ADARB1: variants seen among roughly 807,000 people sequenced by gnomAD.
The protein encoded by ADARB1 is adenosine deaminase RNA specific B1.
In ADARB1, 10 loss-of-function variants were observed where a neutral mutation model predicts 52.4. The ratio of observed to expected loss-of-function variants is 0.19; its 90% CI spans 0.12 to 0.32. The LOEUF (loss-of-function observed/expected upper bound fraction) is 0.32, where lower values mean the gene tolerates loss of function less well. Among genes scored for constraint, ADARB1 ranks in the 10% least tolerant of loss-of-function variants. The pLI is 1.00. For missense variants in ADARB1, 643 were observed against 922.3 expected (o/e 0.70, Z 3.92); for synonymous variants, 349 against 371.1 (o/e 0.94, Z 0.68).
In ADARB1 at chr21:45,142,261, C is replaced by T. The variant is rs2089771012; in HGVS notation, c.-48+13688C>T. On this transcript the variant is annotated intron_variant, in intron 2 of 10. Transcript: ENST00000348831. This position sits in a 1 kb window ranked among gnomAD's most constrained non-coding sequence, Gnocchi z 4.0. ...TTTTGTTTTTCAAATCGAACACCCG[C>T]TATACTCATTTGAGAAGTGTAGACT... 6.6e-6 allele frequency among the ~76,000 whole-genome samples: 1 copy of T among 152,204 alleles called. No homozygotes were observed. Among genetic ancestry groups the T allele is most frequent in the African/African-American group, 2.4e-5 (1 of 41,452 alleles).
At chr21:45,195,640 G>T in intron 8 of ADARB1, among the ~76,000 whole-genome samples, 1 of 149,498 alleles carries the variant, frequency 6.7e-6, no homozygotes, top group Non-Finnish European at 1.5e-5. Flanking sequence ...TATGTCCATT[G>T]GTTCTAGCAC....
intron 1 of ADARB1, among the ~76,000 whole-genome samples, chr21:45,124,781 G>GTGTA (rs2088464218): frequency 4.9e-5 from 6 of 122,544 alleles, no homozygotes; most frequent in African/African-American, 9.3e-5. Flanking sequence ...GTGTGTGTGT[G>GTGTA]TGTGTATGTG....
chr21:45,195,766 C>A (rs562084397), intron 8 of ADARB1, among the ~76,000 whole-genome samples: 19 of 152,210 alleles, frequency 1.2e-4, no homozygotes, highest in Non-Finnish European at 2.8e-4. Context: ...TCCCATTGAT[C>A]TATTTGTGTA....
intron 3 of ADARB1, among the ~76,000 whole-genome samples, chr21:45,175,125 C>T (rs552570810): frequency 2.0e-5 from 3 of 152,154 alleles, no homozygotes; most frequent in Non-Finnish European, 4.4e-5. Context: ...ACATAAGCAG[C>T]TTTTAAAGAT....
At chr21:45,075,342 C>T (rs1175984811) in intron 1 of ADARB1, among the ~76,000 whole-genome samples, 1 of 147,366 alleles carries the variant, frequency 6.8e-6, no homozygotes, top group African/African-American at 2.5e-5. Context: ...CGGGGGACGG[C>T]AGGCTGCGCC....
intron 8 of ADARB1, among the ~76,000 whole-genome samples, chr21:45,185,507 G>T (rs972207246): frequency 8.5e-5 from 13 of 152,182 alleles, no homozygotes; most frequent in African/African-American, 3.1e-4. Context: ...CATTTTAAAA[G>T]TAATGCAAAC....
chr21:45,081,827 G>A (rs745804696), intron 1 of ADARB1, among the ~76,000 whole-genome samples: 2 of 152,194 alleles, frequency 1.3e-5, no homozygotes, highest in African/African-American at 2.4e-5. Context: ...CTGCCAGAGA[G>A]CCTGCTTATT....
chr21:45,206,487 G>T (rs1348351650), intron 9 of ADARB1, among the ~76,000 whole-genome samples: 1 of 147,788 alleles, frequency 6.8e-6, no homozygotes. Flanking sequence ...TTGAAAGATA[G>T]TGTCTGCAAG....
intron 2 of ADARB1, among the ~76,000 whole-genome samples, chr21:45,143,915 T>G (rs1358436399): frequency 1.3e-5 from 2 of 152,192 alleles, no homozygotes; most frequent in African/African-American, 4.8e-5. Context: ...CGGCAGTTCA[T>G]CTTTTATGAC....
chr21:45,101,069 C>T (rs1301536827), intron 1 of ADARB1: 3 of 152,692 alleles, frequency 2.0e-5, no homozygotes, highest in African/African-American at 7.2e-5. Flanking sequence ...CGGCTCGTCC[C>T]GTAGCAGTGC....
intron 2 of ADARB1, among the ~76,000 whole-genome samples, chr21:45,153,270 G>C (rs2090391711): frequency 6.6e-6 from 1 of 151,340 alleles, no homozygotes; most frequent in Admixed American, 6.6e-5. Flanking sequence ...AGATTCAAAA[G>C]TTGTCCATGA....
At chr21:45,092,554 G>A (rs1293527467) in intron 1 of ADARB1, among the ~76,000 whole-genome samples, 4 of 151,984 alleles carry the variant, frequency 2.6e-5, no homozygotes, top group East Asian at 1.9e-4. Context: ...TCAGGAATTC[G>A]GCTTTAGTCA....
At chr21:45,196,690 C>CAAA (rs2092432993) in intron 8 of ADARB1, among the ~76,000 whole-genome samples, 1 of 151,966 alleles carries the variant, frequency 6.6e-6, no homozygotes, top group Non-Finnish European at 1.5e-5. Flanking sequence ...GACACTTCAC[C>CAAA]AAAAAAAGAT....
rs928609358 is a variant in ADARB1, at chr21:45,172,032, G to A, written c.28+348G>A. ...TTCACACATACAAATCGAAGATAAC[G>A]TCTGAGATTGATTTAAATACCCAGG... On this transcript the variant is annotated intron_variant, in intron 3 of 10. Transcript: ENST00000348831. This position sits in a 1 kb window ranked among gnomAD's most constrained non-coding sequence, Gnocchi z 4.4. Among the ~76,000 whole-genome samples, 16 of 152,144 alleles carry A rather than the reference G, an allele frequency of 1.1e-4. No individual in the cohort carries two copies. The highest frequency in any genetic ancestry group is 3.6e-4 in the African/African-American group (15 of 41,430).
chr21:45,076,390 C>G (rs1271118358), intron 1 of ADARB1, among the ~76,000 whole-genome samples: 1 of 152,178 alleles, frequency 6.6e-6, no homozygotes, highest in Non-Finnish European at 1.5e-5. Context: ...TGAACTCACA[C>G]AGACTCTGAA....
At chr21:45,121,515 G>A (rs1251552424) in intron 1 of ADARB1, among the ~76,000 whole-genome samples, 1 of 152,118 alleles carries the variant, frequency 6.6e-6, no homozygotes, top group African/African-American at 2.4e-5. Context: ...CTGGGTTCAT[G>A]CTTATTTGTA....
intron 2 of ADARB1, among the ~76,000 whole-genome samples, chr21:45,158,145 C>T (rs553112680): frequency 1.3e-5 from 2 of 152,162 alleles, no homozygotes; most frequent in East Asian, 1.9e-4. Context: ...GGAGAGGAGG[C>T]GGAAGGGCCC....
chr21:45,184,466 T>G (rs1262809298), intron 7 of ADARB1: 1 of 175,480 alleles, frequency 5.7e-6, no homozygotes. Flanking sequence ...TTTTTTTTTT[T>G]GAGACAGGGT....
At chr21:45,085,438 G>T (rs2086302281) in intron 1 of ADARB1, among the ~76,000 whole-genome samples, 1 of 152,150 alleles carries the variant, frequency 6.6e-6, no homozygotes, top group Non-Finnish European at 1.5e-5. Flanking sequence ...TTAAACAGAG[G>T]TTACAGTTTC....
Sources: allele counts gnomAD v4.1 joint callset (sites outside exome capture counted in the v4.1 genomes callset), GRCh38; gene constraint gnomAD v4.1.1; non-coding constraint Gnocchi (gnomAD v3.1); transcripts MANE v1.5; gene names NCBI Gene and HGNC (gene_info 2026-07-23, HGNC 2026-07-21).